The following GOLGA5 variants were observed in gnomAD, a reference collection of about 807,000 sequenced individuals.
GOLGA5 encodes the protein golgin A5.
A neutral mutation model predicts 93.5 loss-of-function variants in GOLGA5; 50 were observed. That is an observed-to-expected ratio of 0.53 (90% CI 0.43 to 0.68). GOLGA5 has a LOEUF of 0.68. Ranked by LOEUF, GOLGA5 falls within the 30% of genes least tolerant of loss-of-function variation. The pLI is 0.00. For missense variants in GOLGA5, 760 were observed against 856.4 expected (o/e 0.89, Z 1.40); for synonymous variants, 312 against 304.5 (o/e 1.02, Z -0.26).
chr14:92,801,410 A>T (rs1884867248), intron 2 of GOLGA5, among the ~76,000 whole-genome samples: 1 of 152,060 alleles, frequency 6.6e-6, no homozygotes, highest in African/African-American at 2.4e-5. Flanking sequence ...ATCTTTTCAG[A>T]TATTTGACTA....
rs577373871 is a variant in GOLGA5, at chr14:92,832,297, G to C, written c.1720-825G>C. On this transcript the variant is annotated intron_variant, in intron 9 of 12. Coordinates refer to ENST00000163416, the MANE Select transcript of GOLGA5 (RefSeq NM_005113.4). ...TTCCATCTGGTAGTTATTTGTTGTG[G>C]TGTACTTAATTTGTGGGGAGTGCTG... Among the ~76,000 whole-genome samples, 5 of 152,268 alleles carry C rather than the reference G, an allele frequency of 3.3e-5. No individual in the cohort carries two copies. In the South Asian group the frequency reaches 1.0e-3, roughly 32 times the overall value.
intron 2 of GOLGA5, among the ~76,000 whole-genome samples, chr14:92,800,042 C>A (rs998379465): frequency 6.6e-6 from 1 of 152,124 alleles, no homozygotes; most frequent in African/African-American, 2.4e-5. Context: ...TAGAAGAAGA[C>A]GTTTTGGGTT....
chr14:92,816,379 G>A lies in GOLGA5; in HGVS notation c.1449G>A (p.Gln483=). Residue 483 remains glutamine, a synonymous_variant, in exon 7 of 13, where the codon CAG becomes CAA. Coordinates refer to ENST00000163416, the MANE Select transcript of GOLGA5 (RefSeq NM_005113.4). ...HEKEMQREEI[Q]KLMGQIHQLR... ...AAGAGATGCAGAGGGAGGAAATACA[G>A]AAGCTGATGGGCCAGATACATCAGC... 1 of 1,614,076 alleles carries A rather than the reference G, an allele frequency of 6.2e-7. No homozygotes were observed. The highest frequency in any genetic ancestry group is 8.5e-7 in the Non-Finnish European group (1 of 1,179,948).
chr14:92,815,850 C>G (rs1885192644), intron 6 of GOLGA5, among the ~76,000 whole-genome samples: 1 of 151,848 alleles, frequency 6.6e-6, no homozygotes. Flanking sequence ...ACTACAGGCA[C>G]CTGCCACCAT....
intron 6 of GOLGA5, among the ~76,000 whole-genome samples, chr14:92,814,612 G>A (rs1885166713): frequency 6.6e-6 from 1 of 152,066 alleles, no homozygotes; most frequent in Non-Finnish European, 1.5e-5. Context: ...GTTTATTATA[G>A]AAAATTTGAA....
intron 12 of GOLGA5, 113 bp downstream of exon 12, chr14:92,837,562 A>AT: frequency 1.5e-6 from 1 of 662,286 alleles, no homozygotes. Flanking sequence ...GCAATCAATC[A>AT]ATTTTTTTTT....
rs546308655 is a variant in GOLGA5 at position 92,832,443 on chromosome 14, A to G, written c.1720-679A>G. On this transcript the variant is annotated intron_variant, in intron 9 of 12. Coordinates refer to ENST00000163416, the MANE Select transcript of GOLGA5 (RefSeq NM_005113.4). Reference sequence around the variant, plus strand: ...TGGAGGAGAGTAGAGGGAGATGGAGACAGATAAGACCAGATGGAAGATGGA... The same window carrying G: ...TGGAGGAGAGTAGAGGGAGATGGAGGCAGATAAGACCAGATGGAAGATGGA... 3.3e-5 allele frequency among the ~76,000 whole-genome samples: 5 copies of G among 152,274 alleles called. 1 individual carries two copies. Among genetic ancestry groups the G allele is most frequent in the Admixed American group, 3.3e-4 (5 of 15,284 alleles).
intron 9 of GOLGA5, among the ~76,000 whole-genome samples, chr14:92,825,091 AC>A (rs1247259266): frequency 6.6e-6 from 1 of 152,176 alleles, no homozygotes; most frequent in Non-Finnish European, 1.5e-5. Context: ...TGTGCCTACC[AC>A]CCAGACTTAC....
At chr14:92,803,995 T>A (rs550216672) in intron 2 of GOLGA5, among the ~76,000 whole-genome samples, 2 of 152,304 alleles carry the variant, frequency 1.3e-5, no homozygotes, top group African/African-American at 2.4e-5. Flanking sequence ...GTTATGCTGA[T>A]CCTCTCTAGT....
Position 92,806,979 on chromosome 14 carries a change from G to A in GOLGA5, c.772+16G>A. 1.4e-6 allele frequency: 2 copies of A among 1,467,632 alleles called. No individual in the cohort carries two copies. The highest frequency in any genetic ancestry group is 1.9e-6 in the Non-Finnish European group (2 of 1,046,518). The allele number at this position is 1,467,632 out of a possible 1,614,324, so 90.9% of individuals were successfully genotyped here. ...ACTCAAGAAGGTAGAGGCTTAAATT[G>A]TTCAGGATTAGGAATTTAACTTTTA... On this transcript the variant is annotated intron_variant, in intron 3 of 12. Coordinates refer to ENST00000163416, the MANE Select transcript of GOLGA5 (RefSeq NM_005113.4).
At chr14:92,802,586 A>G (rs141382851) in intron 2 of GOLGA5, among the ~76,000 whole-genome samples, 485 of 151,936 alleles carry the variant, frequency 3.2e-3, no homozygotes, top group Middle Eastern at 0.014. Context: ...TAGGTTTTTT[A>G]TAGTTTTTTT....
intron 1 of GOLGA5, among the ~76,000 whole-genome samples, 165 bp downstream of exon 1, chr14:92,794,621 G>A (rs772696120): frequency 1.6e-4 from 24 of 152,204 alleles, no homozygotes; most frequent in Non-Finnish European, 3.2e-4. Flanking sequence ...AGACTCCTTG[G>A]GCTTCAGCCG....
chr14:92,826,682 AGCC>A (rs1885428403), intron 9 of GOLGA5, among the ~76,000 whole-genome samples: 1 of 151,402 alleles, frequency 6.6e-6, no homozygotes, highest in Admixed American at 6.6e-5. Flanking sequence ...TGGGAGACAG[AGCC>A]AGACTCTATC....
At chr14:92,838,350 C>T (rs763000614) in intron 12 of GOLGA5, among the ~76,000 whole-genome samples, 4 of 151,836 alleles carry the variant, frequency 2.6e-5, no homozygotes, top group Admixed American at 1.3e-4. Flanking sequence ...AAGAGTTATT[C>T]CTTTAAATAC....
At position 92,810,109 on chromosome 14, in the gene GOLGA5, A is replaced by G. The variant is rs1885072969; in HGVS notation, c.993-145A>G. 7 of 576,222 alleles carry G rather than the reference A, an allele frequency of 1.2e-5. No homozygotes were observed. In the East Asian group the frequency reaches 1.9e-4, roughly 16 times the overall value. The allele number at this position is 576,222 out of a possible 1,614,324, so 35.7% of individuals were successfully genotyped here. ...TGCCTAAAAATGTAGATTATGTTCC[A>G]TTAGAAAGGAAAGATTTATCTAAGA... On this transcript the variant is annotated intron_variant, in intron 4 of 12. Transcript: ENST00000163416.
chr14:92,804,908 A>G (rs1475483817), intron 2 of GOLGA5, among the ~76,000 whole-genome samples: 2 of 152,066 alleles, frequency 1.3e-5, no homozygotes, highest in African/African-American at 4.8e-5. Context: ...AGCCTCCCAA[A>G]GTGCTGGGAT....
In GOLGA5 at chr14:92,797,819, A is replaced by G. The variant is rs1884769953; in HGVS notation, c.382A>G (p.Asn128Asp). ...TGATGAGCTGCTGTTTGATTTTCTT[A>G]ATAGTTCACAGAAGGAGCCTACCGG... The part of the protein sequence containing the change: ...PDDELLFDFL[N>D]SSQKEPTGRV... The change falls in exon 2 of 13, where the codon AAT becomes GAT. Residue 128 changes from asparagine to aspartate, a missense_variant. Asn to Asp is a conservative substitution (Grantham distance 23). Coordinates refer to ENST00000163416, the MANE Select transcript of GOLGA5 (RefSeq NM_005113.4). 1 of 1,613,994 alleles carries G rather than the reference A, an allele frequency of 6.2e-7. No homozygotes were observed. Among genetic ancestry groups the G allele is most frequent in the African/African-American group, 1.3e-5 (1 of 74,918 alleles).
Position 92,811,534 on chromosome 14 carries a change from A to T in GOLGA5, c.1117-17A>T. 6.6e-7 allele frequency: 1 copy of T among 1,507,058 alleles called. No homozygotes were observed. The highest frequency in any genetic ancestry group is 1.1e-5 in the South Asian group (1 of 88,558). The allele number at this position is 1,507,058 out of a possible 1,614,324, so 93.4% of individuals were successfully genotyped here. ...GCTAAATGATATCATTAATTATGATATAAAAATTTGTCACAGAGCGAGTTT... is the reference window on the plus strand; with the variant it reads ...GCTAAATGATATCATTAATTATGATTTAAAAATTTGTCACAGAGCGAGTTT... On this transcript the variant is annotated splice_polypyrimidine_tract_variant and intron_variant, in intron 5 of 12. Coordinates refer to ENST00000163416, the MANE Select transcript of GOLGA5 (RefSeq NM_005113.4).
chr14:92,805,575 C>T (rs1051580592), intron 2 of GOLGA5, among the ~76,000 whole-genome samples: 1 of 152,100 alleles, frequency 6.6e-6, no homozygotes, highest in Non-Finnish European at 1.5e-5. Flanking sequence ...AAAACCTTTT[C>T]CCCCAGTGAT....
Sources: allele counts gnomAD v4.1 joint callset (sites outside exome capture counted in the v4.1 genomes callset), GRCh38; gene constraint gnomAD v4.1.1; transcripts MANE v1.5; gene names NCBI Gene and HGNC (gene_info 2026-07-23, HGNC 2026-07-21).